PLA2G7: variants seen among roughly 807,000 people sequenced by gnomAD.
PLA2G7 encodes the protein platelet-activating factor acetylhydrolase.
Under a neutral mutation model 49.6 loss-of-function variants are expected in PLA2G7, and 63 were observed. That is an observed-to-expected ratio of 1.27 (90% CI 1.04 to 1.57). PLA2G7 has a LOEUF of 1.57. Ranked by LOEUF, PLA2G7 falls within the 40% of genes most tolerant of loss-of-function variation. The pLI is 0.00. For synonymous variants in PLA2G7, 193 were observed against 169.9 expected, an observed-to-expected ratio of 1.14 and a Z score of -1.06; for missense variants, 596 against 521.2, an observed-to-expected ratio of 1.14 and a Z score of -1.40.
chr6:46,720,473 G>A (rs914172070), intron 2 of PLA2G7, among the ~76,000 whole-genome samples: 3 of 152,206 alleles, frequency 2.0e-5, no homozygotes, highest in Admixed American at 6.5e-5. Flanking sequence ...TCATCAGGCT[G>A]ATCCAGGTTT....
intron 1 of PLA2G7, among the ~76,000 whole-genome samples, 165 bp from the exon 2 acceptor site, chr6:46,723,090 A>G (rs1301348895): frequency 2.0e-5 from 3 of 152,208 alleles, no homozygotes; most frequent in Non-Finnish European, 4.4e-5. Context: ...AATCCTTGGT[A>G]ATGTAGGATT....
chr6:46,704,458 TCTCTCTCTCTCTCTCTCTCTCACACA>T lies in PLA2G7; in HGVS notation c.*76_*101del, dbSNP rs1241828786. ...CATTAAAATTCTCTCTCTCTCTCTCTCTCTCTCTCTCTCTCTCTCTCACACACACACACACACACACACACACACAC... is the reference window on the plus strand; with the variant it reads ...CATTAAAATTCTCTCTCTCTCTCTCTCACACACACACACACACACACACAC... On this transcript the variant is annotated 3_prime_UTR_variant, in exon 12 of 12. Transcript: ENST00000274793. 11 of 591,728 alleles carry T rather than the reference TCTCTCTCTCTCTCTCTCTCTCACACA, an allele frequency of 1.9e-5. No individual in the cohort carries two copies. Among genetic ancestry groups the T allele is most frequent in the African/African-American group, 1.2e-4 (3 of 25,968 alleles). The allele number at this position is 591,728 out of a possible 1,614,324, so 36.7% of individuals were successfully genotyped here. A position where few individuals can be genotyped will look rare whatever the true frequency, so the allele number is the denominator to read the frequency against.
chr6:46,704,602 G>A lies in PLA2G7; in HGVS notation c.1284C>T (p.His428=), dbSNP rs201219473. ...TTCCTGAAGAGTTCTGTAACATGAT[G>A]TGTTGATTGGTTGTGTTAATGTTGG... ...PGTNINTTNQ[H]IMLQNSSGIE... is the part of the protein sequence containing the mutation. Residue 428 remains histidine (H), a synonymous_variant, in exon 12 of 12, where the codon CAC becomes CAT. Transcript: ENST00000274793. The A allele has an allele frequency of 1.0e-4, 162 of 1,591,416 alleles. No individual in the cohort carries two copies. The highest frequency in any genetic ancestry group is 1.3e-4 in the Non-Finnish European group (149 of 1,159,566).
At position 46,709,376 on chromosome 6, in the gene PLA2G7, A is replaced by C; in HGVS notation, c.820T>G (p.Phe274Val). Reference sequence around the variant, plus strand: ...GTCTGAATAACCGTTGCTCCACCAAAAGAATGTCCAATTACTGCTATTTTT... The same window carrying C: ...GTCTGAATAACCGTTGCTCCACCAACAGAATGTCCAATTACTGCTATTTTT... ...REKIAVIGHS[F>V]GGATVIQTLS... is the part of the protein sequence containing the mutation. Residue 274 changes from phenylalanine (F) to valine (V), a missense_variant, in exon 9 of 12, where the codon TTT becomes GTT. Transcript: ENST00000274793. 1 of 1,608,154 alleles carries C rather than the reference A, an allele frequency of 6.2e-7. No homozygotes were observed. The highest frequency in any genetic ancestry group is 8.5e-7 in the Non-Finnish European group (1 of 1,174,992).
intron 1 of PLA2G7, among the ~76,000 whole-genome samples, chr6:46,726,094 T>C (rs901903578): frequency 3.3e-5 from 5 of 152,218 alleles, no homozygotes; most frequent in African/African-American, 1.2e-4. Flanking sequence ...CAGATTCTTC[T>C]TGGTCTGTCT....
Position 46,709,396 on chromosome 6 carries a change from A to AT in PLA2G7, c.799dup (p.Ile267AsnfsTer18), listed in dbSNP as rs377632936. 28 of 1,600,402 alleles carry AT rather than the reference A, an allele frequency of 1.7e-5. No homozygotes were observed. The African/African-American group carries it at 2.7e-4, about 15-fold the overall frequency. ...ACCAAAAGAATGTCCAATTACTGCT[A>AT]TTTTTTCCCTATCAATAGAGTCCTA... On this transcript the variant is annotated frameshift_variant, in exon 9 of 12. Transcript: ENST00000274793. LOFTEE classifies it high-confidence loss of function.
At chr6:46,710,985 A>T (rs1372089426) in intron 7 of PLA2G7, among the ~76,000 whole-genome samples, 1 of 152,300 alleles carries the variant, frequency 6.6e-6, no homozygotes, top group East Asian at 1.9e-4. Context: ...TAAAACACCC[A>T]CTATAAAGAG....
In PLA2G7 at chr6:46,716,416, C is replaced by T. The variant is rs1011987129; in HGVS notation, c.344G>A (p.Trp115Ter). The change falls in exon 4 of 12, where the codon TGG becomes TAG. Residue 115 changes from tryptophan (W) to a stop codon, truncating the protein, a stop_gained. Coordinates refer to ENST00000274793, the MANE Select transcript of PLA2G7 (RefSeq NM_005084.4). LOFTEE classifies it high-confidence loss of function. Reference sequence around the variant, plus strand: ...TAACCTCAAAATGTTGCCCATAAGCCAGTGTGTTCCAAGAAATTTGCTAAG... The same window carrying T: ...TAACCTCAAAATGTTGCCCATAAGCTAGTGTGTTCCAAGAAATTTGCTAAG... ...WGLSKFLGTH[W>*]LMGNILRLLF... 2 of 1,614,036 alleles carry T rather than the reference C, an allele frequency of 1.2e-6. No individual in the cohort carries two copies. Among genetic ancestry groups the T allele is most frequent in the Non-Finnish European group, 8.5e-7 (1 of 1,179,988 alleles).
At chr6:46,708,297 G>A in intron 9 of PLA2G7, 136 bp from the exon 10 acceptor site, 1 of 732,286 alleles carries the variant, frequency 1.4e-6, no homozygotes, top group East Asian at 2.5e-5. Context: ...GAATAAAGAG[G>A]TATCATACTT....
intron 1 of PLA2G7, among the ~76,000 whole-genome samples, chr6:46,726,993 G>A (rs1410008782): frequency 1.2e-4 from 18 of 151,964 alleles, no homozygotes; most frequent in Admixed American, 6.6e-4. Flanking sequence ...AAATAGTAAG[G>A]CCTGAAAATA....
At chr6:46,717,834 C>G (rs1299301320) in intron 2 of PLA2G7, among the ~76,000 whole-genome samples, 9 of 151,786 alleles carry the variant, frequency 5.9e-5, no homozygotes, top group Admixed American at 5.9e-4. Flanking sequence ...GCCTCAGCCT[C>G]CTGAGTAGCT....
intron 1 of PLA2G7, among the ~76,000 whole-genome samples, chr6:46,727,870 C>T (rs559780284): frequency 1.3e-5 from 2 of 152,184 alleles, no homozygotes; most frequent in Non-Finnish European, 2.9e-5. Flanking sequence ...GAAAGCAACA[C>T]AGACTAGCTG....
chr6:46,710,448 C>T (rs1285513746), intron 8 of PLA2G7, 97 bp downstream of exon 8: 1 of 806,756 alleles, frequency 1.2e-6, no homozygotes, highest in Non-Finnish European at 2.1e-6. Flanking sequence ...GGTTGCAGCC[C>T]TTTATCATAT....
chr6:46,710,472 A>G, intron 8 of PLA2G7, 73 bp downstream of exon 8: 1 of 972,272 alleles, frequency 1.0e-6, no homozygotes, highest in Admixed American at 1.7e-5. Flanking sequence ...ACCTTGCAAT[A>G]TAGCAGAAAA....
intron 5 of PLA2G7, among the ~76,000 whole-genome samples, chr6:46,713,611 C>A (rs1330974843): frequency 6.6e-6 from 1 of 152,214 alleles, no homozygotes; most frequent in African/African-American, 2.4e-5. Context: ...TGCTACCCAA[C>A]TTCTTCCCAG....
chr6:46,723,270 C>T (rs45565332), intron 1 of PLA2G7, among the ~76,000 whole-genome samples: 293 of 152,264 alleles, frequency 1.9e-3, no homozygotes, highest in African/African-American at 6.7e-3. Context: ...CTGTCATCAT[C>T]ATAATAATAT....
intron 1 of PLA2G7, among the ~76,000 whole-genome samples, chr6:46,732,337 C>T (rs1241880597): frequency 6.7e-6 from 1 of 150,244 alleles, no homozygotes; most frequent in African/African-American, 2.5e-5. Context: ...ATCCAAGAAG[C>T]TAGGCCCCTC....
At chr6:46,715,068 G>A (rs931243166) in intron 4 of PLA2G7, among the ~76,000 whole-genome samples, 8 of 152,200 alleles carry the variant, frequency 5.3e-5, no homozygotes, top group South Asian at 4.1e-4. Context: ...GATCATTAAC[G>A]ATGAGTTCTT....
chr6:46,719,942 G>A (rs775880063), intron 2 of PLA2G7, among the ~76,000 whole-genome samples: 42 of 152,176 alleles, frequency 2.8e-4, no homozygotes, highest in Admixed American at 2.7e-3. Flanking sequence ...TACCTGCAAG[G>A]TGAACTTTCA....
Sources: gnomAD v4.1 joint callset for allele counts (sites outside exome capture counted in the v4.1 genomes callset) on GRCh38, gnomAD v4.1.1 for gene constraint, MANE v1.5 for transcripts, NCBI Gene and HGNC (gene_info 2026-07-23, HGNC 2026-07-21) for gene names.